YLPM1: variants seen among roughly 807,000 people sequenced by gnomAD.
YLPM1 encodes YLP motif containing 1.
A neutral mutation model predicts 230.0 loss-of-function variants in YLPM1; 99 were observed. The observed-to-expected ratio is 0.43, with a 90% CI of 0.37 to 0.51. The LOEUF is 0.51. Among genes scored for constraint, YLPM1 ranks in the 20% least tolerant of loss-of-function variants. The probability of loss-of-function intolerance (pLI) is 0.00; values close to 1 mark genes in which losing one functional copy is unlikely to be tolerated. For synonymous variants in YLPM1, 984 were observed against 942.5 expected, an observed-to-expected ratio of 1.04 and a Z score of -0.81; for missense variants, 2,592 against 2,707.7, an observed-to-expected ratio of 0.96 and a Z score of 0.95.
At position 74,810,015 on chromosome 14, in the gene YLPM1, G is replaced by T; in HGVS notation, c.5032+13G>T. The T allele has an allele frequency of 6.3e-7, 1 of 1,585,452 alleles. No individual in the cohort carries two copies. The highest frequency in any genetic ancestry group is 2.3e-5 in the East Asian group (1 of 44,266). ...ACTTTTGAGACAGGTAGGATTCCCA[G>T]AGAGGTCAGTATTTTTAAACATTTT... On this transcript the variant is annotated intron_variant, in intron 8 of 20. Transcript: ENST00000325680.
intron 11 of YLPM1, among the ~76,000 whole-genome samples, chr14:74,814,222 G>A (rs187342787): frequency 1.4e-3 from 217 of 152,276 alleles, no homozygotes; most frequent in South Asian, 3.5e-3. Flanking sequence ...TTAGCTGGGC[G>A]TGGTGGCAGG....
chr14:74,766,569 C>T (rs549914652), intron 1 of YLPM1, among the ~76,000 whole-genome samples: 1 of 151,944 alleles, frequency 6.6e-6, no homozygotes, highest in Non-Finnish European at 1.5e-5. Flanking sequence ...TCACTGCAAC[C>T]TCTGCCTCCC....
In YLPM1 at chr14:74,766,636, A is replaced by ATT. The variant is rs34932979; in HGVS notation, c.873+2294_873+2295dup. Among the ~76,000 whole-genome samples, 503 of 110,308 alleles carry ATT rather than the reference A, an allele frequency of 4.6e-3. 6 individuals are homozygous for ATT. Among genetic ancestry groups the ATT allele is most frequent in the South Asian group, 6.5e-3 (22 of 3,368 alleles). The allele number at this position is 110,308 out of a possible 152,430, so 72.4% of individuals were successfully genotyped here. A position where few individuals can be genotyped will look rare whatever the true frequency, so the allele number is the denominator to read the frequency against. On this transcript the variant is annotated intron_variant, in intron 1 of 20. Transcript: ENST00000325680. ...CAGGTGCATGCCACCATGCCTGGCT[A>ATT]TTTTTTTTTTTTTTTTTTTTTGGTA...
At chr14:74,764,485 A>T in intron 1 of YLPM1, 123 bp downstream of exon 1, 1 of 1,282,128 alleles carries the variant, frequency 7.8e-7, no homozygotes, top group Non-Finnish European at 1.0e-6. Context: ...ACTCCAAAGG[A>T]TTCCGTAAGA....
intron 1 of YLPM1, among the ~76,000 whole-genome samples, chr14:74,768,330 A>G (rs2090934920): frequency 1.3e-5 from 2 of 152,088 alleles, no homozygotes; most frequent in African/African-American, 4.8e-5. Flanking sequence ...GCTCACTGCA[A>G]CTTCCACTTC....
intron 4 of YLPM1, among the ~76,000 whole-genome samples, chr14:74,795,178 G>A (rs1039458779): frequency 1.3e-5 from 2 of 152,192 alleles, no homozygotes; most frequent in Admixed American, 1.3e-4. Context: ...CCTCTTGAAA[G>A]TTAGGGTCAG....
Position 74,763,537 on chromosome 14 carries a change from G to T in YLPM1, c.48G>T (p.Pro16=), listed in dbSNP as rs1177866404. 6.6e-7 allele frequency: 1 copy of T among 1,508,334 alleles called. No homozygotes were observed. The highest frequency in any genetic ancestry group is 2.0e-5 in the Admixed American group (1 of 49,508). 93.4% of individuals were successfully genotyped at this position (1,508,334 alleles called of 1,614,324 possible). ...ATGGCGGGAGCAGCCACTATCCGCC[G>T]CCACCGGTCCCACCGCCGCCGCCAG... ...GRYGGSSHYP[P]PPVPPPPPVA... is the part of the protein sequence containing the mutation. Residue 16 remains proline, a synonymous_variant, in exon 1 of 21, where the codon CCG becomes CCT. Coordinates refer to ENST00000325680, the MANE Select transcript of YLPM1 (RefSeq NM_019589.3).
rs775675910 is a variant in YLPM1, at chr14:74,809,937, T to C, written c.4967T>C (p.Ile1656Thr). The change falls in exon 8 of 21, where the codon ATA becomes ACA. Residue 1656 changes from isoleucine (I) to threonine (T), a missense_variant. By Grantham distance (89) the Ile-to-Thr change is moderately conservative (BLOSUM62 -1). This residue lies in a region of YLPM1 where 403 missense variants were observed against 426.7 expected (regional missense o/e 0.94). Coordinates refer to ENST00000325680, the MANE Select transcript of YLPM1 (RefSeq NM_019589.3). ...ATATCCACTAATAAAGTTGAACAGATACCTTATGGAGAAAGAATAACTCTA... is the reference window on the plus strand; with the variant it reads ...ATATCCACTAATAAAGTTGAACAGACACCTTATGGAGAAAGAATAACTCTA... ...RDISTNKVEQ[I>T]PYGERITLRP... 3 of 1,609,688 alleles carry C rather than the reference T, an allele frequency of 1.9e-6. No individual in the cohort carries two copies. The highest frequency in any genetic ancestry group is 1.7e-5 in the Admixed American group (1 of 59,376).
At chr14:74,777,486 G>C (rs1247246727) in intron 1 of YLPM1, among the ~76,000 whole-genome samples, 1 of 151,548 alleles carries the variant, frequency 6.6e-6, no homozygotes, top group African/African-American at 2.4e-5. Context: ...AGAATCACTT[G>C]AACCTGGGAG....
rs1480390723 is a variant in YLPM1 at position 74,797,770 on chromosome 14, A to G, written c.2473A>G (p.Ser825Gly). ...GPASQFYITP[S>G]TSLSPRQSGP... ...AGCATCTCAATTTTATATTACCCCC[A>G]GTACATCCCTAAGTCCTCGACAGAG... Residue 825 changes from serine (S) to glycine (G), a missense_variant, in exon 5 of 21, where the codon AGT becomes GGT. Around this residue, in one of 4 missense-constraint regions of YLPM1, gnomAD observed 1,862 missense variants for 1,819.8 expected, o/e 1.02. Transcript: ENST00000325680. 5.0e-6 allele frequency: 8 copies of G among 1,613,890 alleles called. No homozygotes were observed. In the East Asian group the frequency reaches 1.6e-4, roughly 31 times the overall value.
intron 4 of YLPM1, among the ~76,000 whole-genome samples, chr14:74,787,636 G>A (rs1166720732): frequency 6.6e-6 from 1 of 151,850 alleles, no homozygotes; most frequent in African/African-American, 2.4e-5. Context: ...TAGTAGAAAA[G>A]TAGTCTTTAC....
At chr14:74,820,228 C>G (rs78801213) in intron 16 of YLPM1, among the ~76,000 whole-genome samples, 150 of 152,180 alleles carry the variant, frequency 9.9e-4, no homozygotes, top group African/African-American at 3.4e-3. Flanking sequence ...TTGCTGAAAC[C>G]GGTGCTCTGG....
intron 7 of YLPM1, 31 bp downstream of exon 7, chr14:74,809,828 A>T: frequency 6.2e-7 from 1 of 1,611,534 alleles, no homozygotes; most frequent in Non-Finnish European, 8.5e-7. Context: ...TGTATTTGGG[A>T]TTCTACAGGA....
At position 74,836,409 on chromosome 14, in the gene YLPM1, A is replaced by C. The variant is rs1270767464; in HGVS notation, c.*671A>C. 6.6e-6 allele frequency: 1 copy of C among 152,250 alleles called. No individual in the cohort carries two copies. Among genetic ancestry groups the C allele is most frequent in the Non-Finnish European group, 1.5e-5 (1 of 68,094 alleles). 9.4% of individuals were successfully genotyped at this position (152,250 alleles called of 1,614,324 possible). Reference sequence around the variant, plus strand: ...TGATTTCTCTATCTTTGTGTCTTGAAGACTGACCAAGTTCAAATATTCATC... The same window carrying C: ...TGATTTCTCTATCTTTGTGTCTTGACGACTGACCAAGTTCAAATATTCATC... On this transcript the variant is annotated 3_prime_UTR_variant, in exon 21 of 21. Coordinates refer to ENST00000325680, the MANE Select transcript of YLPM1 (RefSeq NM_019589.3).
intron 11 of YLPM1, among the ~76,000 whole-genome samples, chr14:74,813,655 G>A (rs1245227524): frequency 4.6e-5 from 7 of 151,980 alleles, no homozygotes; most frequent in Non-Finnish European, 1.0e-4. Context: ...TCATTACACA[G>A]GTATTTTGTG....
At chr14:74,782,441 C>G in intron 4 of YLPM1, 116 bp downstream of exon 4, 3 of 1,201,100 alleles carry the variant, frequency 2.5e-6, no homozygotes, top group African/African-American at 1.5e-5. Flanking sequence ...TCTCTTTGTA[C>G]TTATATTGTC....
intron 18 of YLPM1, chr14:74,827,814 T>TAACA: frequency 1.0e-6 from 1 of 985,400 alleles, no homozygotes; most frequent in Non-Finnish European, 1.2e-6. Context: ...TGTGTCCCTG[T>TAACA]GCAGTCAGGG....
chr14:74,797,499 G>C, intron 4 of YLPM1, 81 bp from the exon 5 acceptor site: 1 of 1,170,936 alleles, frequency 8.5e-7, no homozygotes, highest in Non-Finnish European at 1.2e-6. Context: ...TCTAAGGCAA[G>C]AGTGCCTTAA....
rs1339953448 is a variant in YLPM1, at chr14:74,778,554, A to C, written c.981A>C (p.Pro327=). Residue 327 remains proline, a synonymous_variant, in exon 2 of 21, where the codon CCA becomes CCC. Coordinates refer to ENST00000325680, the MANE Select transcript of YLPM1 (RefSeq NM_019589.3). ...KKGPVVAKDT[P]EPVKEEVTVP... ...GTCCTGTGGTAGCAAAGGATACACC[A>C]GAGCCGGTAAAAGAAGAAGTTACAG... is the stretch of plus-strand genomic sequence containing the variant. The C allele has an allele frequency of 1.2e-6, 2 of 1,606,524 alleles. No individual in the cohort carries two copies. The highest frequency in any genetic ancestry group is 1.7e-6 in the Non-Finnish European group (2 of 1,176,582).
Sources: allele counts gnomAD v4.1 joint callset (sites outside exome capture counted in the v4.1 genomes callset), GRCh38; gene constraint gnomAD v4.1.1; regional missense constraint gnomAD v4.1.1; transcripts MANE v1.5; gene names NCBI Gene and HGNC (gene_info 2026-07-23, HGNC 2026-07-21).